The following DLGAP4 variants were observed in gnomAD, a reference collection of about 807,000 sequenced individuals.
DLGAP4 encodes the protein disks large-associated protein 4.
DLGAP4 carries 18 observed loss-of-function variants against 86.9 expected under a neutral mutation model. The observed-to-expected ratio is 0.21, with a 90% CI of 0.14 to 0.31. DLGAP4 has a LOEUF of 0.31. DLGAP4 is among the 10% of genes least tolerant of loss of function. The probability of loss-of-function intolerance (pLI) is 1.00; values close to 1 mark genes in which losing one functional copy is unlikely to be tolerated. For synonymous variants in DLGAP4, 548 were observed against 574.3 expected (o/e 0.95, Z 0.65); for missense variants, 1,085 against 1,362.6 (o/e 0.80, Z 3.21).
intron 1 of DLGAP4, among the ~76,000 whole-genome samples, chr20:36,343,855 G>A (rs1309063549): frequency 6.6e-6 from 1 of 152,232 alleles, no homozygotes; most frequent in Admixed American, 6.5e-5. Flanking sequence ...GGCCCCGAGT[G>A]GCTGCTGGCC....
intron 1 of DLGAP4, among the ~76,000 whole-genome samples, chr20:36,316,216 G>A (rs1008125237): frequency 1.3e-5 from 2 of 152,112 alleles, no homozygotes; most frequent in Non-Finnish European, 2.9e-5. Context: ...CGTCCTCCAC[G>A]CAGGTTAAGT....
At chr20:36,344,623 C>A (rs1310928452) in intron 1 of DLGAP4, among the ~76,000 whole-genome samples, 1 of 152,216 alleles carries the variant, frequency 6.6e-6, no homozygotes, top group Non-Finnish European at 1.5e-5. Flanking sequence ...TACTCATCTT[C>A]CTTTCTTAAT....
intron 5 of DLGAP4, 144 bp from the exon 6 acceptor site, chr20:36,442,583 G>A (rs1485231165): frequency 2.4e-6 from 2 of 832,828 alleles, no homozygotes; most frequent in Non-Finnish European, 4.0e-6. Context: ...GAAGCCAAGT[G>A]AGACCTCCTA....
At chr20:36,482,003 T>C (rs1053978059) in intron 7 of DLGAP4, among the ~76,000 whole-genome samples, 1 of 152,152 alleles carries the variant, frequency 6.6e-6, no homozygotes, top group Non-Finnish European at 1.5e-5. Context: ...TCCCTCTGTT[T>C]TTCTGTGTCT....
At chr20:36,307,646 A>G (rs1010561406) in intron 1 of DLGAP4, among the ~76,000 whole-genome samples, 2 of 150,876 alleles carry the variant, frequency 1.3e-5, no homozygotes, top group South Asian at 4.2e-4. Context: ...GGTTCCTGGC[A>G]CCCCCACCTG....
chr20:36,494,560 G>A (rs2035800106), intron 7 of DLGAP4, among the ~76,000 whole-genome samples: 1 of 151,990 alleles, frequency 6.6e-6, no homozygotes, highest in Non-Finnish European at 1.5e-5. Flanking sequence ...CCAGAATATC[G>A]ACAGATACAA....
chr20:36,453,881 C>T (rs528511893), intron 7 of DLGAP4, among the ~76,000 whole-genome samples: 94 of 134,282 alleles, frequency 7.0e-4, no homozygotes, highest in Admixed American at 1.3e-3. Flanking sequence ...TGCAGTGAGC[C>T]GGGATCGTGC....
chr20:36,432,587 A>G lies in DLGAP4; in HGVS notation c.870A>G (p.Lys290=). 1.9e-6 allele frequency: 3 copies of G among 1,611,772 alleles called. No individual in the cohort carries two copies. Among genetic ancestry groups the G allele is most frequent in the Non-Finnish European group, 2.5e-6 (3 of 1,179,304 alleles). The change falls in exon 3 of 13, where the codon AAA becomes AAG. Residue 290 remains lysine, a synonymous_variant. Coordinates refer to ENST00000339266, the MANE Select transcript of DLGAP4 (RefSeq NM_001365621.2). This position sits in a 1 kb window ranked among gnomAD's most constrained non-coding sequence, Gnocchi z 6.5. ...LGVGTDTNYV[K]RGSWSTLTLS... ...TGGGCACTGACACCAACTACGTCAA[A>G]CGGGGCTCCTGGTCCACTCTGACCC...
intron 10 of DLGAP4, among the ~76,000 whole-genome samples, chr20:36,517,911 C>T (rs1342625616): frequency 6.6e-6 from 1 of 152,168 alleles, no homozygotes; most frequent in Non-Finnish European, 1.5e-5. Context: ...TTCCTCTTCT[C>T]ATAGTCTCTG....
At chr20:36,492,596 G>A (rs1162541491) in intron 7 of DLGAP4, 3 of 152,222 alleles carry the variant, frequency 2.0e-5, no homozygotes, top group Non-Finnish European at 2.9e-5. Context: ...AAGAAGGTGT[G>A]CCTCTTCCCA....
At chr20:36,451,390 G>A (rs778246329) in intron 7 of DLGAP4, among the ~76,000 whole-genome samples, 8 of 152,084 alleles carry the variant, frequency 5.3e-5, no homozygotes, top group Non-Finnish European at 1.0e-4. Context: ...GCTCTCTGTC[G>A]CCCAGGCTGG....
intron 4 of DLGAP4, among the ~76,000 whole-genome samples, chr20:36,438,916 G>A (rs966373216): frequency 3.3e-5 from 5 of 151,992 alleles, no homozygotes; most frequent in African/African-American, 7.2e-5. Flanking sequence ...ACCGCACCTG[G>A]CCTAGTTTCC....
At chr20:36,476,322 T>C in intron 7 of DLGAP4, among the ~76,000 whole-genome samples, 1 of 126,616 alleles carries the variant, frequency 7.9e-6, no homozygotes, top group Non-Finnish European at 1.7e-5. Context: ...AACCACCTTT[T>C]TTTTTTTTTT....
At chr20:36,417,090 TGG>T (rs989643058) in intron 2 of DLGAP4, among the ~76,000 whole-genome samples, 16 of 152,098 alleles carry the variant, frequency 1.1e-4, no homozygotes, top group African/African-American at 3.9e-4. Context: ...TCAGAGACCC[TGG>T]TCAGGTTTGG....
chr20:36,487,777 A>G (rs940240928), intron 7 of DLGAP4, among the ~76,000 whole-genome samples: 7 of 152,122 alleles, frequency 4.6e-5, no homozygotes, highest in African/African-American at 1.7e-4. Flanking sequence ...TCCAGAAACC[A>G]TGGTAACAAA....
intron 2 of DLGAP4, among the ~76,000 whole-genome samples, chr20:36,424,701 G>A (rs1255071957): frequency 2.6e-5 from 4 of 151,852 alleles, no homozygotes. Flanking sequence ...GGAAAGTTAC[G>A]GGCACATGGA....
At chr20:36,483,428 G>T (rs1310960588) in intron 7 of DLGAP4, among the ~76,000 whole-genome samples, 6 of 152,168 alleles carry the variant, frequency 3.9e-5, no homozygotes, top group African/African-American at 1.4e-4. Context: ...CCCAGGCAAG[G>T]GTCCCTGCTC....
Position 36,447,901 on chromosome 20 carries a change from T to TTG in DLGAP4, c.1648+964_1648+965insTG, listed in dbSNP as rs1176711641. Among the ~76,000 whole-genome samples, 4 of 52,326 alleles carry TTG rather than the reference T, an allele frequency of 7.6e-5. No homozygotes were observed. In the Admixed American group the frequency reaches 7.8e-4, roughly 10 times the overall value. 34.3% of individuals were successfully genotyped at this position (52,326 alleles called of 152,430 possible). ...CACACACCAGGGCCTATCAGGGGGG[T>TTG]GGGGGGGGGGGAGACAAGGGGAGGG... On this transcript the variant is annotated intron_variant, in intron 7 of 12. Coordinates refer to ENST00000339266, the MANE Select transcript of DLGAP4 (RefSeq NM_001365621.2).
At chr20:36,375,330 GA>G (rs1340382902) in intron 2 of DLGAP4, among the ~76,000 whole-genome samples, 1 of 152,224 alleles carries the variant, frequency 6.6e-6, no homozygotes, top group African/African-American at 2.4e-5. Context: ...ACTGTTTTGA[GA>G]GCAGCATTTT....
Sources: allele counts gnomAD v4.1 joint callset (sites outside exome capture counted in the v4.1 genomes callset), GRCh38; gene constraint gnomAD v4.1.1; non-coding constraint Gnocchi (gnomAD v3.1); transcripts MANE v1.5; gene names NCBI Gene and HGNC (gene_info 2026-07-23, HGNC 2026-07-21).